Variants in PREX1 observed in about 807,000 individuals in gnomAD.
The protein encoded by PREX1 is phosphatidylinositol 3,4,5-trisphosphate-dependent Rac exchanger 1 protein.
Under a neutral mutation model 198.3 loss-of-function variants are expected in PREX1, and 41 were observed. The ratio of observed to expected loss-of-function variants is 0.21; its 90% CI spans 0.16 to 0.27. The LOEUF is 0.27. PREX1 is among the 10% of genes least tolerant of loss of function. The pLI is 1.00. For synonymous variants in PREX1, 843 were observed against 887.2 expected, an observed-to-expected ratio of 0.95 and a Z score of 0.89; for missense variants, 1,620 against 2,200.7, an observed-to-expected ratio of 0.74 and a Z score of 5.28.
At chr20:48,739,674 A>G (rs1191234122) in intron 3 of PREX1, among the ~76,000 whole-genome samples, 1 of 152,176 alleles carries the variant, frequency 6.6e-6, no homozygotes, top group Non-Finnish European at 1.5e-5. Context: ...CAGCATCCCC[A>G]GGGTCTAGTG....
At chr20:48,749,769 C>T (rs1864303964) in intron 1 of PREX1, among the ~76,000 whole-genome samples, 1 of 152,182 alleles carries the variant, frequency 6.6e-6, no homozygotes, top group African/African-American at 2.4e-5. Context: ...GGCTTTAACC[C>T]ATTTATGCCT....
chr20:48,643,865 C>T (rs1193125825), intron 27 of PREX1, among the ~76,000 whole-genome samples: 9 of 152,060 alleles, frequency 5.9e-5, no homozygotes, highest in Non-Finnish European at 1.3e-4. Flanking sequence ...TTAGTAGAGA[C>T]GGGGTTTCAC....
chr20:48,862,021 C>T, the PREX1 span, among the ~76,000 whole-genome samples: 1 of 152,050 alleles, frequency 6.6e-6, no homozygotes, highest in Non-Finnish European at 1.5e-5. Context: ...ACCAGCCTGA[C>T]CAACATGGCA....
chr20:48,881,932 C>A, the PREX1 span, among the ~76,000 whole-genome samples: 1 of 151,116 alleles, frequency 6.6e-6, no homozygotes. Flanking sequence ...CCACCCCCAG[C>A]CCTAGACAAC....
intron 1 of PREX1, among the ~76,000 whole-genome samples, chr20:48,799,740 C>T (rs2090378308): frequency 6.6e-6 from 1 of 152,142 alleles, no homozygotes; most frequent in African/African-American, 2.4e-5. Context: ...TGTCCCCCCA[C>T]AACAGGGCAG....
chr20:48,733,705 C>CTGTTGTTGT (rs71337454), intron 4 of PREX1, among the ~76,000 whole-genome samples: 11,362 of 151,150 alleles, frequency 0.075, 513 homozygotes, highest in Admixed American at 0.14. Flanking sequence ...GTTGTTGTTG[C>CTGTTGTTGT]TGTTGTTGTT....
intron 3 of PREX1, among the ~76,000 whole-genome samples, chr20:48,744,558 G>C (rs1031378087): frequency 1.3e-5 from 2 of 152,188 alleles, no homozygotes; most frequent in Non-Finnish European, 2.9e-5. Flanking sequence ...GAAGAGAGAG[G>C]CTATTGCAAC....
Position 48,644,441 on chromosome 20 carries a change from C to T in PREX1, c.3569G>A (p.Ser1190Asn). 1 of 1,613,976 alleles carries T rather than the reference C, an allele frequency of 6.2e-7. No homozygotes were observed. Among genetic ancestry groups the T allele is most frequent in the Non-Finnish European group, 8.5e-7 (1 of 1,179,910 alleles). ...CATCTCGTCGCTGCCCAAGTAGGAG[C>T]TGTTACTTCTCACGCTGGTGTAGGA... Reference protein sequence around the residue: ...VLSYTSVRSNSSYLGSDEMGS... With the variant: ...VLSYTSVRSNNSYLGSDEMGS... Residue 1190 changes from serine (S) to asparagine (N), a missense_variant, in exon 27 of 40, where the codon AGC becomes AAC. Around this residue, in one of 7 missense-constraint regions of PREX1, gnomAD observed 9 missense variants for 31.6 expected, o/e 0.29. Transcript: ENST00000371941.
intron 39 of PREX1, 144 bp from the exon 40 acceptor site, chr20:48,626,071 T>C (rs2089269831): frequency 2.2e-6 from 2 of 900,408 alleles, no homozygotes; most frequent in African/African-American, 1.8e-5. Context: ...AAAATATCTA[T>C]GCTGTCCATG....
At chr20:48,729,468 C>T (rs1475010854) in intron 4 of PREX1, among the ~76,000 whole-genome samples, 1 of 151,968 alleles carries the variant, frequency 6.6e-6, no homozygotes, top group Non-Finnish European at 1.5e-5. Context: ...GTCTCTGCTG[C>T]CCCCCCAATG....
At chr20:48,869,256 G>T in the PREX1 span, among the ~76,000 whole-genome samples, 1 of 151,628 alleles carries the variant, frequency 6.6e-6, no homozygotes, top group South Asian at 2.1e-4. Flanking sequence ...CCATACGGAT[G>T]ATCTATTTTT....
Position 48,655,328 on chromosome 20 carries a change from C to T in PREX1, c.2171G>A (p.Arg724His), listed in dbSNP as rs112806196. ...DQPDTLCFQI[R>H]GAAPPYVYAV... is the part of the protein sequence containing the mutation. Reference sequence around the variant, plus strand: ...ATAGACGTACGGTGGGGCAGCTCCACGAATCTGGAAGCACAGTGTGTCCGG... The same window carrying T: ...ATAGACGTACGGTGGGGCAGCTCCATGAATCTGGAAGCACAGTGTGTCCGG... The change falls in exon 19 of 40, where the codon CGT (arginine) becomes CAT (histidine). Residue 724 changes from arginine (R) to histidine (H), a missense_variant. Physicochemically the swap from Arg to His is conservative, Grantham distance 29 (BLOSUM62 0). This residue lies in a region of PREX1 where 514 missense variants were observed against 611.6 expected (regional missense o/e 0.84). Transcript: ENST00000371941. 346 of 1,599,996 alleles carry T rather than the reference C, an allele frequency of 2.2e-4. 5 individuals are homozygous for T. In the East Asian group the frequency reaches 5.0e-3, roughly 23 times the overall value.
At chr20:48,831,394 C>T (rs148947429), upstream of PREX1, among the ~76,000 whole-genome samples, 407 of 152,264 alleles carry the variant, frequency 2.7e-3, 1 homozygote, top group Non-Finnish European at 2.9e-3. Flanking sequence ...AGAAGAGGAG[C>T]TAGCATGGTG....
chr20:48,634,265 A>T (rs1211337512), intron 33 of PREX1, among the ~76,000 whole-genome samples: 1 of 152,152 alleles, frequency 6.6e-6, no homozygotes, highest in Non-Finnish European at 1.5e-5. Flanking sequence ...AGACAGAAAG[A>T]AAAAGGGAGA....
intron 19 of PREX1, among the ~76,000 whole-genome samples, chr20:48,654,269 T>C (rs957407990): frequency 6.6e-6 from 1 of 152,254 alleles, no homozygotes; most frequent in Non-Finnish European, 1.5e-5. Flanking sequence ...GCATCGTGCC[T>C]GGCACTCGGT....
chr20:48,869,842 G>A, the PREX1 span, among the ~76,000 whole-genome samples: 16 of 152,206 alleles, frequency 1.1e-4, no homozygotes, highest in East Asian at 2.9e-3. Flanking sequence ...AGGGCCTTTT[G>A]GGAGTTGCAG....
At chr20:48,840,206 G>T in the PREX1 span, among the ~76,000 whole-genome samples, 53 of 152,088 alleles carry the variant, frequency 3.5e-4, no homozygotes, top group African/African-American at 1.1e-3. Flanking sequence ...GTAAGGACAG[G>T]ATTTCACTAT....
intron 29 of PREX1, among the ~76,000 whole-genome samples, chr20:48,641,096 ATGAGTAGGGTGGG>A (rs2089407166): frequency 6.6e-6 from 1 of 151,390 alleles, no homozygotes; most frequent in South Asian, 2.1e-4. Context: ...GGTTGGGTGG[ATGAGTAGGGTGGG>A]TAGGTGGGTA....
chr20:48,754,416 T>TGGAC (rs2090147853), intron 1 of PREX1, among the ~76,000 whole-genome samples: 1 of 152,142 alleles, frequency 6.6e-6, no homozygotes, highest in Non-Finnish European at 1.5e-5. Flanking sequence ...CATCAGCCTT[T>TGGAC]AAAACAGGTA....
Sources: allele counts gnomAD v4.1 joint callset (sites outside exome capture counted in the v4.1 genomes callset), GRCh38; gene constraint gnomAD v4.1.1; regional missense constraint gnomAD v4.1.1; transcripts MANE v1.5; gene names NCBI Gene and HGNC (gene_info 2026-07-23, HGNC 2026-07-21).